PLXDC2: variants seen among roughly 807,000 people sequenced by gnomAD.
The protein encoded by PLXDC2 is plexin domain-containing protein 2.
Under a neutral mutation model 68.9 loss-of-function variants are expected in PLXDC2, and 40 were observed. That is an observed-to-expected ratio of 0.58 (90% confidence interval 0.45 to 0.76). PLXDC2 has a LOEUF of 0.76. Ranked by LOEUF, PLXDC2 falls within the 30% of genes least tolerant of loss-of-function variation. The pLI, the probability that PLXDC2 is intolerant of heterozygous loss-of-function variation, is 0.00. For synonymous variants in PLXDC2, 243 were observed against 234.2 expected, an observed-to-expected ratio of 1.04 and a Z score of -0.34; for missense variants, 644 against 661.9, an observed-to-expected ratio of 0.97 and a Z score of 0.30.
intron 4 of PLXDC2, among the ~76,000 whole-genome samples, chr10:20,124,749 T>A (rs904782973): frequency 3.9e-5 from 6 of 151,954 alleles, no homozygotes; most frequent in Non-Finnish European, 7.4e-5. Context: ...GTGGGGGAGC[T>A]TTTGAGCCAG....
rs920773993 is a variant in PLXDC2, at chr10:20,061,967, G to A, written c.472-6203G>A. Among the ~76,000 whole-genome samples, 15 of 152,148 alleles carry A rather than the reference G, an allele frequency of 9.9e-5. 1 individual carries two copies. The highest frequency in any genetic ancestry group is 3.9e-4 in the Admixed American group (6 of 15,268). On this transcript the variant is annotated intron_variant, in intron 3 of 13. Transcript: ENST00000377252. The stretch of plus-strand genomic sequence containing the variant: ...GGAGCTATGCTTGTTTAGGAAACTA[G>A]TTTTAAAGAACTATTGCTAGACACC...
intron 1 of PLXDC2, among the ~76,000 whole-genome samples, chr10:19,854,248 C>T (rs1010692009): frequency 6.6e-6 from 1 of 152,214 alleles, no homozygotes; most frequent in Non-Finnish European, 1.5e-5. Context: ...GTGTTTAGGA[C>T]AGTCTCTACA....
At chr10:19,991,460 AT>A (rs1397487331) in intron 1 of PLXDC2, among the ~76,000 whole-genome samples, 6 of 152,014 alleles carry the variant, frequency 3.9e-5, no homozygotes. Context: ...TGTTTTTCAA[AT>A]CAAAATATTT....
intron 1 of PLXDC2, among the ~76,000 whole-genome samples, chr10:19,936,978 G>A (rs1833735745): frequency 6.6e-6 from 1 of 152,144 alleles, no homozygotes; most frequent in East Asian, 1.9e-4. Context: ...GCTCATCTCA[G>A]CACTTTTTAT....
intron 12 of PLXDC2, among the ~76,000 whole-genome samples, chr10:20,225,443 A>G (rs7082069): frequency 0.68 from 103,495 of 151,810 alleles, 37,106 homozygotes; most frequent in Non-Finnish European, 0.81. Context: ...ATTTCATTTT[A>G]ACAGGCTATT....
intron 1 of PLXDC2, among the ~76,000 whole-genome samples, chr10:19,902,281 T>C (rs1838173521): frequency 6.6e-6 from 1 of 152,190 alleles, no homozygotes; most frequent in Admixed American, 6.5e-5. Flanking sequence ...ATTTTCACAA[T>C]ATTGTTTCTA....
chr10:19,894,238 C>A (rs1285588491), intron 1 of PLXDC2, among the ~76,000 whole-genome samples: 1 of 150,468 alleles, frequency 6.6e-6, no homozygotes, highest in Middle Eastern at 3.4e-3. Context: ...TAAAACAAAA[C>A]AAAACAAACA....
intron 9 of PLXDC2, among the ~76,000 whole-genome samples, chr10:20,183,670 C>A (rs989246608): frequency 6.6e-6 from 1 of 151,934 alleles, no homozygotes; most frequent in South Asian, 2.1e-4. Flanking sequence ...CAATACCCAA[C>A]ACAGTGTCTG....
intron 1 of PLXDC2, among the ~76,000 whole-genome samples, chr10:19,884,173 A>C (rs933012584): frequency 6.6e-6 from 1 of 151,710 alleles, no homozygotes; most frequent in Non-Finnish European, 1.5e-5. Context: ...CTGGAATTAC[A>C]GGTGTGAACC....
intron 7 of PLXDC2, among the ~76,000 whole-genome samples, chr10:20,173,308 A>C (rs193025935): frequency 7.0e-4 from 107 of 152,326 alleles, no homozygotes; most frequent in African/African-American, 2.5e-3. Flanking sequence ...AATTCAGACA[A>C]AATATAATAC....
chr10:20,069,017 A>G (rs1466269574), intron 4 of PLXDC2, among the ~76,000 whole-genome samples: 4 of 152,184 alleles, frequency 2.6e-5, no homozygotes, highest in African/African-American at 9.7e-5. Context: ...CAGTAAGTAA[A>G]GAAGTAATTG....
At position 20,029,236 on chromosome 10, in the gene PLXDC2, T is replaced by C. The variant is rs142183104; in HGVS notation, c.325-17633T>C. On this transcript the variant is annotated intron_variant, in intron 2 of 13. Transcript: ENST00000377252. ...CTTTAGTTCAGCGGTTATCTTCTAC[T>C]GGTTTGGAAAAGAGATATTTGAATA... 4.5e-4 allele frequency among the ~76,000 whole-genome samples: 68 copies of C among 152,336 alleles called. No homozygotes were observed. In the East Asian group the frequency reaches 0.013, roughly 28 times the overall value.
chr10:20,206,849 A>AACACACACACACACACACACAC (rs375925753), intron 9 of PLXDC2, among the ~76,000 whole-genome samples: 1 of 149,544 alleles, frequency 6.7e-6, no homozygotes, highest in Non-Finnish European at 1.5e-5. Flanking sequence ...TGTGCTTTGA[A>AACACACACACACACACACACAC]ACACACACAC....
Position 20,287,742 on chromosome 10 carries a change from A to T in PLXDC2, c.*7923A>T, listed in dbSNP as rs1158182739. On this transcript the variant is annotated 3_prime_UTR_variant, in exon 14 of 14. Coordinates refer to ENST00000377252, the MANE Select transcript of PLXDC2 (RefSeq NM_032812.9). ...GGGGCCCTCACGGAGAAGAGGGGGA[A>T]GTCTTTTCATTGATTGGTCAAAACA... is the stretch of plus-strand genomic sequence containing the variant. The T allele has an allele frequency of 2.0e-5, 3 of 152,092 alleles. No homozygotes were observed. The highest frequency in any genetic ancestry group is 1.5e-5 in the Non-Finnish European group (1 of 68,030). 9.4% of individuals were successfully genotyped at this position (152,092 alleles called of 1,614,324 possible). A position where few individuals can be genotyped will look rare whatever the true frequency, so the allele number is the denominator to read the frequency against.
At chr10:19,963,703 G>A (rs1834199504) in intron 1 of PLXDC2, among the ~76,000 whole-genome samples, 1 of 152,092 alleles carries the variant, frequency 6.6e-6, no homozygotes, top group South Asian at 2.1e-4. Context: ...GGGGCGAGAG[G>A]GGAGGGACAG....
chr10:19,931,253 C>G (rs984573974), intron 1 of PLXDC2, among the ~76,000 whole-genome samples: 1 of 152,204 alleles, frequency 6.6e-6, no homozygotes, highest in African/African-American at 2.4e-5. Context: ...GCCAGCTTGG[C>G]AAGTTTTCTC....
At chr10:19,966,446 A>ATAT (rs1564641879) in intron 1 of PLXDC2, among the ~76,000 whole-genome samples, 10 of 62,724 alleles carry the variant, frequency 1.6e-4, no homozygotes, top group East Asian at 5.5e-4. Flanking sequence ...ATATATATAA[A>ATAT]ACATGTGTGT....
intron 9 of PLXDC2, among the ~76,000 whole-genome samples, chr10:20,211,032 G>A (rs1018116614): frequency 6.6e-6 from 1 of 152,066 alleles, no homozygotes; most frequent in African/African-American, 2.4e-5. Flanking sequence ...AAATCAAATT[G>A]TCAGCATAAA....
chr10:20,219,539 A>T (rs1835183730), intron 12 of PLXDC2, among the ~76,000 whole-genome samples: 2 of 152,194 alleles, frequency 1.3e-5, no homozygotes, highest in Non-Finnish European at 2.9e-5. Context: ...AGCTCTATGA[A>T]GCAAAGAACA....
Sources: gnomAD v4.1 joint callset for allele counts (sites outside exome capture counted in the v4.1 genomes callset) on GRCh38, gnomAD v4.1.1 for gene constraint, MANE v1.5 for transcripts, NCBI Gene and HGNC (gene_info 2026-07-23, HGNC 2026-07-21) for gene names.